The following COL27A1 variants were observed in gnomAD, a reference collection of about 807,000 sequenced individuals.
COL27A1 encodes the protein collagen type XXVII alpha 1 chain.
A neutral mutation model predicts 251.3 loss-of-function variants in COL27A1; 106 were observed. That is an observed-to-expected ratio of 0.42 (90% CI 0.36 to 0.50). The LOEUF (loss-of-function observed/expected upper bound fraction) is 0.50. COL27A1 is among the 20% of genes least tolerant of loss of function. The pLI is 0.00. For synonymous variants in COL27A1, 1,000 were observed against 986.3 expected, an observed-to-expected ratio of 1.01 and a Z score of -0.26; for missense variants, 2,325 against 2,522.8, an observed-to-expected ratio of 0.92 and a Z score of 1.68.
chr9:114,186,419 T>C (rs766127680), intron 5 of COL27A1, among the ~76,000 whole-genome samples: 7 of 151,530 alleles, frequency 4.6e-5, no homozygotes, highest in Non-Finnish European at 8.8e-5. Context: ...CCTTGGGGAG[T>C]GTAGAGGTGA....
Position 114,236,970 on chromosome 9 carries a change from A to G in COL27A1, c.2620-11A>G, listed in dbSNP as rs760112494. The G allele has an allele frequency of 4.5e-5, 73 of 1,613,292 alleles. No homozygotes were observed. The highest frequency in any genetic ancestry group is 6.1e-5 in the Non-Finnish European group (72 of 1,179,790). On this transcript the variant is annotated splice_polypyrimidine_tract_variant and intron_variant, in intron 17 of 60. Transcript: ENST00000356083. ...CCTCACTAACCCCAGCCTGCTCTGG[A>G]TCTCTTCCAGGGGAGCCAGGGGTTG...
rs1829289093 is a variant in COL27A1 at position 114,309,334 on chromosome 9, C to T, written c.5292C>T (p.Thr1764=). 6.2e-7 allele frequency: 1 copy of T among 1,614,192 alleles called. No individual in the cohort carries two copies. The highest frequency in any genetic ancestry group is 8.5e-7 in the Non-Finnish European group (1 of 1,180,048). The change falls in exon 60 of 61, where the codon ACC becomes ACT. Residue 1764 remains threonine (T), a synonymous_variant. Transcript: ENST00000356083. ...GCTCCGAGGTGACCCAGCACATCAC[C>T]ATCCACTGCCTTAACATGACCGTGT... ...LLSSEVTQHI[T]IHCLNMTVWQ...
intron 5 of COL27A1, among the ~76,000 whole-genome samples, chr9:114,192,472 A>G (rs1010326994): frequency 6.6e-6 from 1 of 152,108 alleles, no homozygotes. Flanking sequence ...TCTGCAGAAG[A>G]TATGACCTGG....
chr9:114,194,153 C>T (rs1331375225), intron 5 of COL27A1, among the ~76,000 whole-genome samples: 2 of 152,066 alleles, frequency 1.3e-5, no homozygotes, highest in Non-Finnish European at 2.9e-5. Context: ...CTGGGACTGG[C>T]TGGATTACAG....
Position 114,205,137 on chromosome 9 carries a change from C to T in COL27A1, c.2160C>T (p.Pro720=), listed in dbSNP as rs146410522. Residue 720 remains proline (P), a synonymous_variant, in exon 8 of 61, where the codon CCC becomes CCT. Transcript: ENST00000356083. ...HKGYPGPAGH[P]GEQGQPGPEG... is the part of the protein sequence containing the mutation. ...GCTATCCTGGACCGGCAGGGCACCC[C>T]GGAGAACAGGTGAGGGCCTCAGCCT... The T allele has an allele frequency of 4.1e-5, 66 of 1,613,286 alleles. No homozygotes were observed. Among genetic ancestry groups the T allele is most frequent in the Admixed American group, 1.7e-4 (10 of 59,992 alleles).
At chr9:114,250,336 T>G (rs1290662016) in intron 24 of COL27A1, among the ~76,000 whole-genome samples, 1 of 152,172 alleles carries the variant, frequency 6.6e-6, no homozygotes. Flanking sequence ...CGTGGCAGCC[T>G]CCCAGCCTGC....
In COL27A1 at chr9:114,167,739, C is replaced by T. The variant is rs1848990905; in HGVS notation, c.184C>T (p.Pro62Ser). The change falls in exon 3 of 61, where the codon CCT (proline) becomes TCT (serine). Residue 62 changes from proline to serine, a missense_variant. This residue lies in a region of COL27A1 where 1,183 missense variants were observed against 1,144.1 expected (regional missense o/e 1.03). Coordinates refer to ENST00000356083, the MANE Select transcript of COL27A1 (RefSeq NM_032888.4). ...CCTCAGCTGGACGAAGGCCGGGAGC[C>T]CTGCACCCCCGGGAGTCATTCCTTT... ...LGLSWTKAGS[P>S]APPGVIPFQS... 6.2e-7 allele frequency: 1 copy of T among 1,613,808 alleles called. No individual in the cohort carries two copies. The highest frequency in any genetic ancestry group is 1.1e-5 in the South Asian group (1 of 91,068).
At position 114,188,187 on chromosome 9, in the gene COL27A1, T is replaced by C. The variant is rs373088502; in HGVS notation, c.2016+5112T>C. ...TCAGAGGCAATTCTGCAGTCATATTTATGCCCACCTTTAATTATATGCAAA... is the reference window on the plus strand; with the variant it reads ...TCAGAGGCAATTCTGCAGTCATATTCATGCCCACCTTTAATTATATGCAAA... On this transcript the variant is annotated intron_variant, in intron 5 of 60. Coordinates refer to ENST00000356083, the MANE Select transcript of COL27A1 (RefSeq NM_032888.4). Among the ~76,000 whole-genome samples the C allele has an allele frequency of 3.8e-3, 583 of 152,388 alleles. 3 individuals carry two copies. Among genetic ancestry groups the C allele is most frequent in the Middle Eastern group, 0.02 (6 of 294 alleles).
chr9:114,161,371 T>TA (rs1848486328), intron 1 of COL27A1, among the ~76,000 whole-genome samples: 1 of 152,116 alleles, frequency 6.6e-6, no homozygotes, highest in Non-Finnish European at 1.5e-5. Flanking sequence ...GGGATCAACT[T>TA]AGATTTATCC....
intron 23 of COL27A1, among the ~76,000 whole-genome samples, chr9:114,245,148 GTTTTTTTTTT>G (rs779029948): frequency 9.9e-6 from 1 of 101,334 alleles, no homozygotes; most frequent in Non-Finnish European, 2.0e-5. Flanking sequence ...GTGCATTCTT[GTTTTTTTTTT>G]TTTTTTTTTT....
chr9:114,183,203 G>A, intron 5 of COL27A1, 128 bp downstream of exon 5: 1 of 856,056 alleles, frequency 1.2e-6, no homozygotes, highest in Non-Finnish European at 1.9e-6. Context: ...CTAAGCCAGG[G>A]GCACCCTCTG....
At chr9:114,307,840 G>A (rs1829167631) in intron 59 of COL27A1, 62 bp downstream of exon 59, 4 of 1,230,710 alleles carry the variant, frequency 3.3e-6, no homozygotes, top group Non-Finnish European at 3.6e-6. Flanking sequence ...CCTGCCCTGG[G>A]CCACAACCAA....
At chr9:114,256,384 T>C (rs113860562) in intron 27 of COL27A1, among the ~76,000 whole-genome samples, 24,827 of 152,184 alleles carry the variant, frequency 0.16, 2,241 homozygotes, top group Non-Finnish European at 0.2. Context: ...TCCCAGCTAC[T>C]CGGGAGGCTG....
chr9:114,240,358 AG>A (rs1173100346), intron 20 of COL27A1, 75 bp from the exon 21 acceptor site: 1 of 1,588,192 alleles, frequency 6.3e-7, no homozygotes, highest in African/African-American at 1.3e-5. Flanking sequence ...GCTTGGAAGC[AG>A]GGGTTGCCTT....
chr9:114,253,587 C>T (rs1259082466), intron 27 of COL27A1, among the ~76,000 whole-genome samples: 1 of 152,144 alleles, frequency 6.6e-6, no homozygotes, highest in African/African-American at 2.4e-5. Context: ...ATCAGACAGA[C>T]CTGGGTAGAA....
At chr9:114,203,948 C>T (rs149996508) in intron 7 of COL27A1, among the ~76,000 whole-genome samples, 4 of 152,166 alleles carry the variant, frequency 2.6e-5, no homozygotes, top group Non-Finnish European at 5.9e-5. Flanking sequence ...ATGATAGTCG[C>T]CCCCGAGCCC....
At chr9:114,161,546 C>G (rs902357985) in intron 1 of COL27A1, among the ~76,000 whole-genome samples, 3 of 152,130 alleles carry the variant, frequency 2.0e-5, no homozygotes, top group African/African-American at 7.2e-5. Flanking sequence ...AGTTATCAAC[C>G]CTGGCAGACA....
intron 12 of COL27A1, among the ~76,000 whole-genome samples, chr9:114,212,531 G>C (rs1255346103): frequency 6.6e-6 from 1 of 152,224 alleles, no homozygotes; most frequent in Non-Finnish European, 1.5e-5. Context: ...ATCTAAGAGA[G>C]AGTAGGATAG....
rs1219319044 is a variant in COL27A1 at position 114,168,677 on chromosome 9, C to T, written c.1122C>T (p.Ala374=). 2 of 1,614,098 alleles carry T rather than the reference C, an allele frequency of 1.2e-6. No homozygotes were observed. Among genetic ancestry groups the T allele is most frequent in the East Asian group, 2.2e-5 (1 of 44,872 alleles). ...AAAGCCTCCCTACCAAGCCTTCGGC[C>T]CCTTCTACTTCAATTGTGCCCATCA... The part of the protein sequence containing the change: ...IPKSLPTKPS[A]PSTSIVPIKS... The change falls in exon 3 of 61, where the codon GCC becomes GCT. Residue 374 remains alanine (A), a synonymous_variant. Coordinates refer to ENST00000356083, the MANE Select transcript of COL27A1 (RefSeq NM_032888.4).
Sources: allele counts gnomAD v4.1 joint callset (sites outside exome capture counted in the v4.1 genomes callset), GRCh38; gene constraint gnomAD v4.1.1; regional missense constraint gnomAD v4.1.1; transcripts MANE v1.5; gene names NCBI Gene and HGNC (gene_info 2026-07-23, HGNC 2026-07-21).